The following RBPMS variants were observed in gnomAD, a reference collection of about 807,000 sequenced individuals.
RBPMS encodes the protein RNA binding protein, mRNA processing factor.
A neutral mutation model predicts 26.8 loss-of-function variants in RBPMS; 7 were observed. That is an observed-to-expected ratio of 0.26 (90% CI 0.15 to 0.49). RBPMS has a LOEUF of 0.49. Among genes scored for constraint, RBPMS ranks in the 20% least tolerant of loss-of-function variants. The pLI is 0.98. For missense variants in RBPMS, 186 were observed against 250.0 expected (o/e 0.74, Z 1.73); for synonymous variants, 96 against 93.3 (o/e 1.03, Z -0.17).
rs147713368 is a variant in RBPMS at position 30,477,240 on chromosome 8, A to C, written c.145-559A>C. On this transcript the variant is annotated intron_variant, in intron 2 of 8. Coordinates refer to ENST00000397323, the MANE Select transcript of RBPMS (RefSeq NM_001008710.3). ...GCTAATTTTTTTGTATTTTTAGTAG[A>C]GATGGGGTTTCACCACTTGTCGATG... 4.5e-4 allele frequency among the ~76,000 whole-genome samples: 68 copies of C among 152,242 alleles called. 1 individual carries two copies. Among genetic ancestry groups the C allele is most frequent in the Non-Finnish European group, 4.1e-4 (28 of 68,006 alleles).
rs188604724 is a variant in RBPMS at position 30,520,669 on chromosome 8, T to A, written c.397+16233T>A. ...GCATTTCTTTGGCTATTTATCTGGT[T>A]AAAGCAACTCCTTTATCCACAGAAA... On this transcript the variant is annotated intron_variant, in intron 5 of 8. Transcript: ENST00000397323. Among the ~76,000 whole-genome samples the A allele has an allele frequency of 2.0e-5, 3 of 152,230 alleles. No homozygotes were observed. In the East Asian group the frequency reaches 5.8e-4, roughly 29 times the overall value.
chr8:30,468,019 A>C (rs1816694082), intron 1 of RBPMS, among the ~76,000 whole-genome samples: 1 of 152,102 alleles, frequency 6.6e-6, no homozygotes, highest in Non-Finnish European at 1.5e-5. Context: ...ACTAACTTAT[A>C]AAAACCCTAA....
Position 30,384,945 on chromosome 8 carries a change from C to A in RBPMS, c.-148C>A. ...CCCAGCCCAACCCGAGCCCGACAGCCACTGCCCCGGCTCCAGCTCCAGCCC... is the reference window on the plus strand; with the variant it reads ...CCCAGCCCAACCCGAGCCCGACAGCAACTGCCCCGGCTCCAGCTCCAGCCC... On this transcript the variant is annotated 5_prime_UTR_variant, in exon 1 of 9. Transcript: ENST00000397323. This position sits in a 1 kb window ranked among gnomAD's most constrained non-coding sequence, Gnocchi z 5.6. 2.2e-6 allele frequency: 1 copy of A among 462,484 alleles called. No homozygotes were observed. Among genetic ancestry groups the A allele is most frequent in the Non-Finnish European group, 3.6e-6 (1 of 279,108 alleles). 28.6% of individuals were successfully genotyped at this position (462,484 alleles called of 1,614,324 possible).
rs762908876 is a variant in RBPMS at position 30,504,391 on chromosome 8, A to G, written c.352A>G (p.Thr118Ala). 3 of 1,614,146 alleles carry G rather than the reference A, an allele frequency of 1.9e-6. No homozygotes were observed. Among genetic ancestry groups the G allele is most frequent in the Non-Finnish European group, 2.5e-6 (3 of 1,180,000 alleles). ...ACTCGTAGGGACTCCAAACCCCAGT[A>G]CTCCTCTGCCCAACACTGTACCTCA... Reference protein sequence around the residue: ...NKLVGTPNPSTPLPNTVPQFI... With the variant: ...NKLVGTPNPSAPLPNTVPQFI... The change falls in exon 5 of 9, where the codon ACT becomes GCT. Residue 118 changes from threonine to alanine, a missense_variant. Physicochemically the swap from Thr to Ala is moderately conservative, Grantham distance 58. Around this residue, in one of 3 missense-constraint regions of RBPMS, gnomAD observed 98 missense variants for 113.6 expected, o/e 0.86. Transcript: ENST00000397323.
At chr8:30,547,778 C>A (rs1298569704) in intron 6 of RBPMS, among the ~76,000 whole-genome samples, 1 of 152,236 alleles carries the variant, frequency 6.6e-6, no homozygotes, top group Non-Finnish European at 1.5e-5. Context: ...GACCTCACTT[C>A]AGCAGGGATG....
chr8:30,536,293 A>T (rs1379404358), intron 5 of RBPMS, among the ~76,000 whole-genome samples: 1 of 151,980 alleles, frequency 6.6e-6, no homozygotes, highest in Non-Finnish European at 1.5e-5. Flanking sequence ...ACGCCCAGCT[A>T]ATTTTGTAGT....
At chr8:30,568,271 G>C (rs953641017) in intron 8 of RBPMS, among the ~76,000 whole-genome samples, 1 of 152,184 alleles carries the variant, frequency 6.6e-6, no homozygotes, top group African/African-American at 2.4e-5. Context: ...GGAAGCCTTA[G>C]AAACTCTTGG....
At chr8:30,431,668 C>A (rs936834364) in intron 1 of RBPMS, among the ~76,000 whole-genome samples, 1 of 152,108 alleles carries the variant, frequency 6.6e-6, no homozygotes, top group Non-Finnish European at 1.5e-5. Context: ...CTAGGCTGGT[C>A]TCGAACTCCA....
chr8:30,451,517 A>T (rs562771269), intron 1 of RBPMS, among the ~76,000 whole-genome samples: 1 of 152,196 alleles, frequency 6.6e-6, no homozygotes, highest in East Asian at 1.9e-4. Context: ...ATAGATATGG[A>T]TTATTATCTC....
chr8:30,503,851 T>C (rs1051039683), intron 4 of RBPMS, among the ~76,000 whole-genome samples: 1 of 152,176 alleles, frequency 6.6e-6, no homozygotes, highest in East Asian at 1.9e-4. Flanking sequence ...TCTTGAATGG[T>C]GGAAAGGTTC....
At chr8:30,556,461 G>A in intron 6 of RBPMS, 1 of 985,890 alleles carries the variant, frequency 1.0e-6, no homozygotes, top group African/African-American at 1.7e-5. Context: ...TGCACCGAAA[G>A]CAGAACCATG....
intron 7 of RBPMS, among the ~76,000 whole-genome samples, chr8:30,563,597 C>T (rs75895721): frequency 1.7e-3 from 262 of 152,310 alleles, no homozygotes; most frequent in African/African-American, 6.0e-3. Context: ...GTTACAGCCT[C>T]CCCAGATTGG....
In RBPMS at chr8:30,477,859, A is replaced by G. The variant is rs529618125; in HGVS notation, c.183+22A>G. On this transcript the variant is annotated intron_variant, in intron 3 of 8. Transcript: ENST00000397323. ...ACAGGTAAGAATTTCAAAGTGGCAT[A>G]TAAAGATCACTTTTTTACTTTCCTC... 7.8e-5 allele frequency: 119 copies of G among 1,533,712 alleles called. No individual in the cohort carries two copies. In the South Asian group the frequency reaches 1.2e-3, roughly 16 times the overall value.
At chr8:30,453,259 C>T (rs903987239) in intron 1 of RBPMS, among the ~76,000 whole-genome samples, 6 of 152,084 alleles carry the variant, frequency 3.9e-5, no homozygotes, top group Non-Finnish European at 7.3e-5. Context: ...GATCTGTGTA[C>T]CTGACAGCTA....
At chr8:30,432,189 A>G (rs548580286) in intron 1 of RBPMS, among the ~76,000 whole-genome samples, 2 of 152,210 alleles carry the variant, frequency 1.3e-5, no homozygotes, top group Admixed American at 1.3e-4. Context: ...GAACCAACCA[A>G]TCTCTTACTT....
Position 30,520,761 on chromosome 8 carries a change from A to G in RBPMS, c.397+16325A>G, listed in dbSNP as rs181359436. On this transcript the variant is annotated intron_variant, in intron 5 of 8. Coordinates refer to ENST00000397323, the MANE Select transcript of RBPMS (RefSeq NM_001008710.3). ...AGTCTAGCCTGGGCAACATAGTGAG[A>G]TGAACATCCACAGAAAAACCCACTT... Among the ~76,000 whole-genome samples, 1,262 of 152,298 alleles carry G rather than the reference A, an allele frequency of 8.3e-3. 18 individuals carry two copies. The highest frequency in any genetic ancestry group is 0.029 in the African/African-American group (1,215 of 41,552).
At chr8:30,517,691 G>C (rs978324975) in intron 5 of RBPMS, among the ~76,000 whole-genome samples, 6 of 151,948 alleles carry the variant, frequency 3.9e-5, no homozygotes, top group South Asian at 4.1e-4. Context: ...GAGGAAACAG[G>C]CCTGTAAGGA....
rs551904329 is a variant in RBPMS, at chr8:30,529,955, G to A, written c.398-14539G>A. Among the ~76,000 whole-genome samples the A allele has an allele frequency of 7.9e-5, 12 of 152,164 alleles. 1 individual carries two copies. The South Asian group carries it at 1.5e-3, about 18-fold the overall frequency. On this transcript the variant is annotated intron_variant, in intron 5 of 8. Transcript: ENST00000397323. ...TTTTTACTAGAGACAGGGTTTCACCGTGTTGCCCAGGTTGATCTCGAACTC... is the reference window on the plus strand; with the variant it reads ...TTTTTACTAGAGACAGGGTTTCACCATGTTGCCCAGGTTGATCTCGAACTC...
chr8:30,471,072 A>G (rs1205729617), intron 1 of RBPMS, among the ~76,000 whole-genome samples: 3 of 152,212 alleles, frequency 2.0e-5, no homozygotes, highest in South Asian at 2.1e-4. Context: ...TTTAATGCAT[A>G]TTTATTTTAG....
Sources: allele counts gnomAD v4.1 joint callset (sites outside exome capture counted in the v4.1 genomes callset), GRCh38; gene constraint gnomAD v4.1.1; regional missense constraint gnomAD v4.1.1; non-coding constraint Gnocchi (gnomAD v3.1); transcripts MANE v1.5; gene names NCBI Gene and HGNC (gene_info 2026-07-23, HGNC 2026-07-21).